UBE2R2: variants seen among roughly 807,000 people sequenced by gnomAD.
UBE2R2 encodes ubiquitin conjugating enzyme E2 R2.
A neutral mutation model predicts 27.8 loss-of-function variants in UBE2R2; 1 was observed. That is an observed-to-expected ratio of 0.04 (90% CI 0.01 to 0.17). The LOEUF (loss-of-function observed/expected upper bound fraction) is 0.17, where lower values mean the gene tolerates loss of function less well. Ranked by LOEUF, UBE2R2 falls within the 10% of genes least tolerant of loss-of-function variation. The pLI is 1.00. For synonymous variants in UBE2R2, 106 were observed against 113.3 expected (o/e 0.94, Z 0.41); for missense variants, 100 against 291.0 (o/e 0.34, Z 4.78).
intron 1 of UBE2R2, among the ~76,000 whole-genome samples, chr9:33,840,925 T>G (rs540739916): frequency 6.6e-6 from 1 of 152,120 alleles, no homozygotes; most frequent in Admixed American, 6.6e-5. Flanking sequence ...TAATTTAATT[T>G]AATTAATTAA....
rs1413980856 is a variant in UBE2R2 at position 33,920,118 on chromosome 9, AG to A, written c.*2883del. On this transcript the variant is annotated 3_prime_UTR_variant, in exon 5 of 5. Transcript: ENST00000263228. ...GGAAATGTGCAGCTCTCCACTGGAAAGGAACTCTCCACCCCTCCCATCCTGA... is the reference window on the plus strand; with the variant it reads ...GGAAATGTGCAGCTCTCCACTGGAAAGAACTCTCCACCCCTCCCATCCTGA... 2.6e-5 allele frequency: 4 copies of A among 152,618 alleles called. No homozygotes were observed. Among genetic ancestry groups the A allele is most frequent in the East Asian group, 1.9e-4 (1 of 5,192 alleles). The allele number at this position is 152,618 out of a possible 1,614,324, so 9.5% of individuals were successfully genotyped here. A position where few individuals can be genotyped will look rare whatever the true frequency, so the allele number is the denominator to read the frequency against.
chr9:33,916,976 A>G (rs1186054725), intron 4 of UBE2R2, 42 bp from the exon 5 acceptor site: 4 of 1,604,472 alleles, frequency 2.5e-6, no homozygotes, highest in South Asian at 1.1e-5. Flanking sequence ...TGTCTTAAAA[A>G]AAGACTTACC....
chr9:33,832,850 C>T (rs1037739047), intron 1 of UBE2R2, among the ~76,000 whole-genome samples: 6 of 151,548 alleles, frequency 4.0e-5, no homozygotes, highest in African/African-American at 1.5e-4. Flanking sequence ...TTACATAGTT[C>T]TATGAATTTT....
chr9:33,907,752 T>C (rs1309688218), intron 3 of UBE2R2, among the ~76,000 whole-genome samples: 1 of 152,140 alleles, frequency 6.6e-6, no homozygotes, highest in African/African-American at 2.4e-5. Flanking sequence ...AGTAAATGAA[T>C]AAGGATTTTA....
chr9:33,859,583 T>TC (rs1490547177), intron 1 of UBE2R2, among the ~76,000 whole-genome samples: 11 of 152,264 alleles, frequency 7.2e-5, no homozygotes, highest in Middle Eastern at 3.4e-3. Context: ...AACTAGTATT[T>TC]CCCCCCTAAA....
chr9:33,878,761 T>TG (rs907194935), intron 1 of UBE2R2, among the ~76,000 whole-genome samples: 1 of 152,208 alleles, frequency 6.6e-6, no homozygotes, highest in Non-Finnish European at 1.5e-5. Flanking sequence ...TGCTGTATGC[T>TG]GAAGAGGGCT....
At chr9:33,884,996 A>G (rs1821826326) in intron 1 of UBE2R2, among the ~76,000 whole-genome samples, 1 of 152,044 alleles carries the variant, frequency 6.6e-6, no homozygotes, top group African/African-American at 2.4e-5. Flanking sequence ...TGAATTCTCC[A>G]CTCAGCTTAG....
Position 33,917,469 on chromosome 9 carries a change from C to T in UBE2R2, c.*232C>T, listed in dbSNP as rs1822676430. ...CTGAATTCTTGCATTCTTTACCCTTCCATCACTATATTGATTCTTTTTTTA... is the reference window on the plus strand; with the variant it reads ...CTGAATTCTTGCATTCTTTACCCTTTCATCACTATATTGATTCTTTTTTTA... On this transcript the variant is annotated 3_prime_UTR_variant, in exon 5 of 5. Transcript: ENST00000263228. 4.9e-6 allele frequency: 3 copies of T among 611,820 alleles called. No individual in the cohort carries two copies. The highest frequency in any genetic ancestry group is 2.3e-5 in the South Asian group (1 of 43,588). 37.9% of individuals were successfully genotyped at this position (611,820 alleles called of 1,614,324 possible).
At chr9:33,877,815 G>GTCTCTCTCTCTCTCTCTCTC (rs1439369271) in intron 1 of UBE2R2, among the ~76,000 whole-genome samples, 1 of 95,734 alleles carries the variant, frequency 1.0e-5, no homozygotes, top group South Asian at 4.1e-4. Context: ...CTGTCTGTCT[G>GTCTCTCTCTCTCTCTCTCTC]TCTGTCTGTC....
intron 3 of UBE2R2, among the ~76,000 whole-genome samples, chr9:33,910,657 A>G (rs1822463751): frequency 1.3e-5 from 2 of 152,202 alleles, no homozygotes; most frequent in South Asian, 4.1e-4. Context: ...ACTTTTGAAT[A>G]AAGATTTCTA....
At chr9:33,897,070 TC>T (rs1432264239) in intron 2 of UBE2R2, among the ~76,000 whole-genome samples, 1 of 123,552 alleles carries the variant, frequency 8.1e-6, no homozygotes, top group Non-Finnish European at 1.6e-5. Context: ...GGAGTCTCGC[TC>T]TGTTGCCCAG....
chr9:33,832,344 C>T (rs1388992163), intron 1 of UBE2R2, among the ~76,000 whole-genome samples: 1 of 145,244 alleles, frequency 6.9e-6, no homozygotes, highest in African/African-American at 2.5e-5. Flanking sequence ...TTATTTAATA[C>T]CCTTTGGTTG....
chr9:33,829,935 C>G (rs1423639148), intron 1 of UBE2R2, among the ~76,000 whole-genome samples: 1 of 151,442 alleles, frequency 6.6e-6, no homozygotes, highest in Non-Finnish European at 1.5e-5. Flanking sequence ...GTAGCAAGGA[C>G]TATAGGCATG....
chr9:33,817,970 G>T, intron 1 of UBE2R2, 36 bp downstream of exon 1: 1 of 1,583,162 alleles, frequency 6.3e-7, no homozygotes, highest in East Asian at 2.4e-5. Context: ...TGCTTCCGCG[G>T]CCGAGGCCTC....
intron 2 of UBE2R2, among the ~76,000 whole-genome samples, chr9:33,891,047 G>GTTTTTTTTTTT (rs1554676109): frequency 2.4e-5 from 3 of 126,372 alleles, no homozygotes; most frequent in East Asian, 2.7e-4. Context: ...TTGTTGTTGT[G>GTTTTTTTTTTT]TTTTTTTGTT....
intron 1 of UBE2R2, among the ~76,000 whole-genome samples, chr9:33,867,862 T>A (rs970166404): frequency 2.0e-5 from 3 of 152,084 alleles, no homozygotes; most frequent in African/African-American, 7.2e-5. Context: ...GAGGCTACAG[T>A]GAGCTGAGAT....
At chr9:33,900,525 CTT>C (rs1306829777) in intron 3 of UBE2R2, among the ~76,000 whole-genome samples, 1 of 152,176 alleles carries the variant, frequency 6.6e-6, no homozygotes, top group African/African-American at 2.4e-5. Flanking sequence ...AATCCCTACT[CTT>C]AACTTATCCT....
intron 1 of UBE2R2, among the ~76,000 whole-genome samples, chr9:33,884,779 C>A (rs1362346202): frequency 6.8e-6 from 1 of 147,702 alleles, no homozygotes. Flanking sequence ...TTTTTTTTTT[C>A]TCCTGTTGTA....
upstream of UBE2R2, among the ~76,000 whole-genome samples, chr9:33,815,402 C>T (rs529890348): frequency 8.5e-5 from 13 of 152,284 alleles, no homozygotes; most frequent in East Asian, 5.8e-4. Flanking sequence ...GGGAACTGGG[C>T]GCCAGGTGTA....
Sources: allele counts gnomAD v4.1 joint callset (sites outside exome capture counted in the v4.1 genomes callset), GRCh38; gene constraint gnomAD v4.1.1; transcripts MANE v1.5; gene names NCBI Gene and HGNC (gene_info 2026-07-23, HGNC 2026-07-21).